Variants in RANBP2 observed in about 807,000 individuals in gnomAD.
The protein encoded by RANBP2 is E3 SUMO-protein ligase RanBP2.
A neutral mutation model predicts 303.6 loss-of-function variants in RANBP2; 57 were observed. That is an observed-to-expected ratio of 0.19 (90% CI 0.15 to 0.23). The LOEUF is 0.23. Ranked by LOEUF, RANBP2 falls within the 10% of genes least tolerant of loss-of-function variation. RANBP2 has a pLI of 1.00. For missense variants in RANBP2, 3,138 were observed against 3,780.8 expected, an observed-to-expected ratio of 0.83 and a Z score of 4.46; for synonymous variants, 1,167 against 1,301.5, an observed-to-expected ratio of 0.90 and a Z score of 2.23.
the RANBP2 span, among the ~76,000 whole-genome samples, chr2:108,979,454 G>GTCTC: frequency 1.7e-5 from 2 of 116,382 alleles, no homozygotes; most frequent in Non-Finnish European, 1.7e-5. Flanking sequence ...CTCTGTCTCT[G>GTCTC]TCTCTCTCTC....
the RANBP2 span, among the ~76,000 whole-genome samples, chr2:109,579,928 C>T: frequency 2.6e-5 from 4 of 151,632 alleles, 1 homozygote; most frequent in East Asian, 7.9e-4. Flanking sequence ...TGAGACCAGC[C>T]TGGCCTACAT....
the RANBP2 span, among the ~76,000 whole-genome samples, chr2:109,125,246 G>C: frequency 1.3e-5 from 2 of 152,194 alleles, no homozygotes; most frequent in African/African-American, 4.8e-5. Flanking sequence ...TGTGGTGGGG[G>C]AGGGGCAGCT....
At chr2:109,412,423 G>T in the RANBP2 span, among the ~76,000 whole-genome samples, 1 of 152,352 alleles carries the variant, frequency 6.6e-6, no homozygotes. Context: ...GGACAGCTTG[G>T]CTGTTTCTGG....
intron 1 of RANBP2, among the ~76,000 whole-genome samples, chr2:108,723,600 A>C (rs776164967): frequency 6.6e-6 from 1 of 152,132 alleles, no homozygotes; most frequent in East Asian, 1.9e-4. Context: ...TGTACTGGTT[A>C]TTATGCTCCT....
At chr2:109,197,107 G>C in the RANBP2 span, among the ~76,000 whole-genome samples, 1,204 of 152,324 alleles carry the variant, frequency 7.9e-3, 11 homozygotes, top group East Asian at 0.036. Flanking sequence ...AACACAGCTA[G>C]TAGAGGCAGA....
At chr2:109,367,825 A>AT in the RANBP2 span, among the ~76,000 whole-genome samples, 1 of 152,312 alleles carries the variant, frequency 6.6e-6, no homozygotes, top group South Asian at 2.1e-4. Flanking sequence ...AGGAGTGGCT[A>AT]TTTGTAGCTC....
the RANBP2 span, among the ~76,000 whole-genome samples, chr2:109,675,620 T>A: frequency 6.6e-6 from 1 of 152,044 alleles, no homozygotes; most frequent in Non-Finnish European, 1.5e-5. Context: ...AGGCGGAGGT[T>A]GCAGTGAGCT....
chr2:108,919,975 C>T, the RANBP2 span, among the ~76,000 whole-genome samples: 1 of 152,218 alleles, frequency 6.6e-6, no homozygotes, highest in Admixed American at 6.5e-5. Context: ...CCTTCATCCT[C>T]CCTCTACCTC....
chr2:108,901,923 G>A, the RANBP2 span, among the ~76,000 whole-genome samples: 1 of 152,110 alleles, frequency 6.6e-6, no homozygotes, highest in African/African-American at 2.4e-5. Context: ...GGCCAAGATG[G>A]TGAAACCTCA....
chr2:109,586,791 TTAGG>T, the RANBP2 span, among the ~76,000 whole-genome samples: 1 of 152,164 alleles, frequency 6.6e-6, no homozygotes. Context: ...GGGCCACATT[TTAGG>T]AGTAAGGTCC....
the RANBP2 span, among the ~76,000 whole-genome samples, chr2:109,649,174 A>G: frequency 6.6e-6 from 1 of 151,788 alleles, no homozygotes; most frequent in Admixed American, 6.6e-5. Flanking sequence ...TTACCAAACC[A>G]TTTAAAGAAT....
At chr2:109,671,352 G>A in the RANBP2 span, among the ~76,000 whole-genome samples, 56 of 152,296 alleles carry the variant, frequency 3.7e-4, no homozygotes, top group Admixed American at 1.2e-3. Context: ...AGGGAGGGCC[G>A]GTGCATTGAG....
chr2:108,760,553 A>G (rs1186413305), intron 18 of RANBP2, among the ~76,000 whole-genome samples: 1 of 152,206 alleles, frequency 6.6e-6, no homozygotes, highest in Non-Finnish European at 1.5e-5. Context: ...AGTATCTGAT[A>G]GTGCCATTTT....
chr2:109,125,405 A>G, the RANBP2 span, among the ~76,000 whole-genome samples: 1 of 152,250 alleles, frequency 6.6e-6, no homozygotes, highest in Non-Finnish European at 1.5e-5. Flanking sequence ...ACAGCCGTCC[A>G]GTCCTGTTTC....
chr2:109,576,009 T>C, the RANBP2 span, among the ~76,000 whole-genome samples: 2 of 152,104 alleles, frequency 1.3e-5, no homozygotes, highest in Admixed American at 6.5e-5. Flanking sequence ...GTAATCCTAG[T>C]TGTTTGGGAG....
chr2:109,490,027 C>G, the RANBP2 span, among the ~76,000 whole-genome samples: 2 of 152,176 alleles, frequency 1.3e-5, no homozygotes, highest in South Asian at 4.1e-4. Flanking sequence ...CATGAGCCAC[C>G]GTGCCCAGCC....
the RANBP2 span, among the ~76,000 whole-genome samples, chr2:109,225,958 C>T: frequency 6.6e-6 from 1 of 152,176 alleles, no homozygotes; most frequent in African/African-American, 2.4e-5. Context: ...AGTCCCTATT[C>T]TAATCTGTTG....
chr2:109,598,644 A>C, the RANBP2 span, among the ~76,000 whole-genome samples: 4 of 152,056 alleles, frequency 2.6e-5, no homozygotes, highest in South Asian at 8.3e-4. Flanking sequence ...GGAGGTCAAC[A>C]CCAGCCTGGC....
the RANBP2 span, among the ~76,000 whole-genome samples, chr2:109,443,967 A>G: frequency 1.5e-4 from 23 of 152,244 alleles, no homozygotes; most frequent in Admixed American, 1.5e-3. Context: ...CAGAACATTT[A>G]CTGAGATAGA....
Sources: allele counts gnomAD v4.1 joint callset (sites outside exome capture counted in the v4.1 genomes callset), GRCh38; gene constraint gnomAD v4.1.1; transcripts MANE v1.5; gene names NCBI Gene and HGNC (gene_info 2026-07-23, HGNC 2026-07-21).